DAB1: variants seen among roughly 807,000 people sequenced by gnomAD.
DAB1 encodes the protein DAB adaptor protein 1.
Under a neutral mutation model 64.6 loss-of-function variants are expected in DAB1, and 15 were observed. That is an observed-to-expected ratio of 0.23 (90% confidence interval 0.16 to 0.36). The LOEUF (loss-of-function observed/expected upper bound fraction) is 0.36, where lower values mean the gene tolerates loss of function less well. Among genes scored for constraint, DAB1 ranks in the 10% least tolerant of loss-of-function variants. DAB1 has a pLI of 1.00. For missense variants in DAB1, 596 were observed against 706.7 expected (o/e 0.84, Z 1.78); for synonymous variants, 235 against 251.9 (o/e 0.93, Z 0.64).
At chr1:57,601,322 C>G (rs982855707) in intron 7 of DAB1, among the ~76,000 whole-genome samples, 1 of 152,094 alleles carries the variant, frequency 6.6e-6, no homozygotes, top group Non-Finnish European at 1.5e-5. Context: ...ACCTGTAATC[C>G]CTGCACTTTG....
chr1:57,503,955 C>A (rs1477056539), intron 7 of DAB1, among the ~76,000 whole-genome samples: 5 of 152,136 alleles, frequency 3.3e-5, no homozygotes, highest in Non-Finnish European at 7.4e-5. Context: ...AGGGTCTTCA[C>A]CGGATTGTTG....
intron 6 of DAB1, among the ~76,000 whole-genome samples, chr1:57,729,680 T>C (rs1325745328): frequency 6.6e-6 from 1 of 152,256 alleles, no homozygotes; most frequent in Non-Finnish European, 1.5e-5. Flanking sequence ...GATTTATCCC[T>C]GCCTGTATTA....
chr1:57,826,485 G>A (rs1267742817), intron 1 of DAB1: 1 of 152,318 alleles, frequency 6.6e-6, no homozygotes, highest in East Asian at 1.9e-4. Context: ...TAGCCAAAAG[G>A]AAGAGAGGGA....
intron 6 of DAB1, among the ~76,000 whole-genome samples, chr1:57,743,002 G>C (rs1289649168): frequency 3.3e-5 from 5 of 152,182 alleles, no homozygotes; most frequent in Non-Finnish European, 5.9e-5. Flanking sequence ...TATTGATGTA[G>C]ACATCGGTTA....
chr1:57,786,049 G>A (rs1284830244), intron 6 of DAB1, among the ~76,000 whole-genome samples: 1 of 152,102 alleles, frequency 6.6e-6, no homozygotes, highest in Non-Finnish European at 1.5e-5. Flanking sequence ...CAATATCAAA[G>A]CATGACTCTC....
Position 57,905,844 on chromosome 1 carries a change from C to T in DAB1, n.388-21682G>A, listed in dbSNP as rs114037460. Among the ~76,000 whole-genome samples, 599 of 152,240 alleles carry T rather than the reference C, an allele frequency of 3.9e-3. 1 individual carries two copies. The highest frequency in any genetic ancestry group is 6.0e-3 in the Non-Finnish European group (406 of 68,008). On this transcript the variant is annotated intron_variant and non_coding_transcript_variant, in intron 5 of 20. Coordinates refer to the DAB1 transcript ENST00000485760. ...CTGGAGGCTGTGGTATTAGAGAGGTCAAAACAGGCAGAAATATGTAAAGGA... is the reference window on the plus strand; with the variant it reads ...CTGGAGGCTGTGGTATTAGAGAGGTTAAAACAGGCAGAAATATGTAAAGGA...
chr1:57,310,886 T>C (rs546035724), intron 1 of DAB1, among the ~76,000 whole-genome samples: 180 of 152,146 alleles, frequency 1.2e-3, no homozygotes, highest in African/African-American at 4.2e-3. Context: ...TAATCCCGGC[T>C]ACTTGGGAGA....
chr1:57,805,613 C>A (rs11207111), intron 6 of DAB1, among the ~76,000 whole-genome samples: 27,996 of 152,050 alleles, frequency 0.18, 2,865 homozygotes, highest in Admixed American at 0.31. Flanking sequence ...AATTTATATC[C>A]CTAGTCTGGA....
chr1:57,636,192 C>A (rs1479626655), intron 7 of DAB1, among the ~76,000 whole-genome samples: 4 of 150,988 alleles, frequency 2.6e-5, no homozygotes, highest in African/African-American at 7.3e-5. Flanking sequence ...CGAGTGTGCA[C>A]AGAGGAAAGG....
intron 1 of DAB1, among the ~76,000 whole-genome samples, chr1:57,400,679 C>T (rs1282618099): frequency 6.6e-6 from 1 of 151,536 alleles, no homozygotes; most frequent in Non-Finnish European, 1.5e-5. Flanking sequence ...CGTATCCTGG[C>T]CTGTTTATTT....
intron 5 of DAB1, among the ~76,000 whole-genome samples, chr1:57,945,087 G>T (rs1645164456): frequency 6.6e-6 from 1 of 152,054 alleles, no homozygotes; most frequent in South Asian, 2.1e-4. Context: ...TCACCTTTCT[G>T]ACAACTCTGG....
chr1:57,505,747 T>C (rs1644336128), intron 7 of DAB1, among the ~76,000 whole-genome samples: 1 of 152,186 alleles, frequency 6.6e-6, no homozygotes, highest in South Asian at 2.1e-4. Context: ...CACGGCTCAC[T>C]GCAGCCTCAG....
At chr1:57,752,914 T>C (rs1648621368) in intron 6 of DAB1, among the ~76,000 whole-genome samples, 1 of 152,190 alleles carries the variant, frequency 6.6e-6, no homozygotes, top group African/African-American at 2.4e-5. Context: ...AACTTGGTAA[T>C]TTAAAAAACT....
chr1:58,016,604 C>T (rs1646743263), intron 5 of DAB1, among the ~76,000 whole-genome samples: 1 of 152,150 alleles, frequency 6.6e-6, no homozygotes, highest in Admixed American at 6.5e-5. Flanking sequence ...TGCCCCTCCC[C>T]TTGAACTTCC....
chr1:57,454,309 G>C (rs1454350550), intron 7 of DAB1, among the ~76,000 whole-genome samples: 3 of 152,130 alleles, frequency 2.0e-5, no homozygotes, highest in Non-Finnish European at 4.4e-5. Flanking sequence ...ATATACCATG[G>C]CATACTATGC....
At chr1:58,162,332 T>C (rs185619210) in intron 4 of DAB1, among the ~76,000 whole-genome samples, 170 of 152,296 alleles carry the variant, frequency 1.1e-3, no homozygotes, top group Non-Finnish European at 1.0e-3. Flanking sequence ...CACAGCAACC[T>C]TGTTTTCTTT....
At chr1:57,983,329 G>T (rs1646112628) in intron 5 of DAB1, among the ~76,000 whole-genome samples, 1 of 152,116 alleles carries the variant, frequency 6.6e-6, no homozygotes, top group South Asian at 2.1e-4. Context: ...ACCAGAAAGG[G>T]TCTCTTCCCA....
chr1:57,493,489 T>C (rs905618572), intron 7 of DAB1, among the ~76,000 whole-genome samples: 1 of 152,238 alleles, frequency 6.6e-6, no homozygotes, highest in Non-Finnish European at 1.5e-5. Flanking sequence ...AAAGGCAGTA[T>C]AGTATTCCAT....
At chr1:57,960,149 G>A (rs111507988) in intron 5 of DAB1, among the ~76,000 whole-genome samples, 96 of 152,252 alleles carry the variant, frequency 6.3e-4, no homozygotes, top group African/African-American at 2.2e-3. Flanking sequence ...TGTCTGGCAC[G>A]GGAAGCCCAG....
Sources: allele counts gnomAD v4.1 joint callset (sites outside exome capture counted in the v4.1 genomes callset), GRCh38; gene constraint gnomAD v4.1.1; transcripts MANE v1.5; gene names NCBI Gene and HGNC (gene_info 2026-07-23, HGNC 2026-07-21).